NRXN1: variants seen among roughly 807,000 people sequenced by gnomAD.
NRXN1 encodes neurexin 1.
In NRXN1, 39 loss-of-function variants were observed where a neutral mutation model predicts 150.9. The ratio of observed to expected loss-of-function variants is 0.26; its 90% CI spans 0.20 to 0.34. The LOEUF (loss-of-function observed/expected upper bound fraction) is 0.34, where lower values mean the gene tolerates loss of function less well. Among genes scored for constraint, NRXN1 ranks in the 10% least tolerant of loss-of-function variants. The pLI is 1.00. For missense variants in NRXN1, 1,815 were observed against 1,949.9 expected (o/e 0.93, Z 1.30); for synonymous variants, 924 against 757.0 (o/e 1.22, Z -3.62).
At chr2:49,970,068 C>G (rs921889069) in intron 21 of NRXN1, 2 of 151,994 alleles carry the variant, frequency 1.3e-5, no homozygotes, top group African/African-American at 4.8e-5. Flanking sequence ...GTCATTCCCA[C>G]CATGATAAAT....
At chr2:50,455,667 T>C (rs904259658) in intron 17 of NRXN1, among the ~76,000 whole-genome samples, 2 of 152,148 alleles carry the variant, frequency 1.3e-5, no homozygotes, top group African/African-American at 4.8e-5. Flanking sequence ...TTTCCCTTAA[T>C]AGGACCTGGG....
intron 19 of NRXN1, among the ~76,000 whole-genome samples, chr2:50,058,711 G>T (rs1187565500): frequency 6.6e-6 from 1 of 152,158 alleles, no homozygotes; most frequent in African/African-American, 2.4e-5. Flanking sequence ...CCAGTGGGAT[G>T]TAATTGAATT....
intron 17 of NRXN1, among the ~76,000 whole-genome samples, chr2:50,243,134 T>C (rs1574695644): frequency 6.6e-6 from 1 of 151,888 alleles, no homozygotes; most frequent in East Asian, 1.9e-4. Context: ...AATATTATTA[T>C]ATTGTAAATT....
intron 15 of NRXN1, among the ~76,000 whole-genome samples, chr2:50,487,006 T>A (rs1426283014): frequency 2.0e-5 from 3 of 152,192 alleles, no homozygotes; most frequent in Non-Finnish European, 4.4e-5. Flanking sequence ...GTTACAATAA[T>A]TTCTATTTAG....
At chr2:50,436,999 C>A (rs1246020437) in intron 17 of NRXN1, among the ~76,000 whole-genome samples, 6 of 152,084 alleles carry the variant, frequency 3.9e-5, no homozygotes, top group Non-Finnish European at 8.8e-5. Context: ...TTATTTACTG[C>A]AGGTAGGAAA....
chr2:50,604,476 C>T (rs1465711336), intron 8 of NRXN1, among the ~76,000 whole-genome samples: 2 of 152,138 alleles, frequency 1.3e-5, no homozygotes, highest in Non-Finnish European at 2.9e-5. Context: ...TTTTATCCAG[C>T]ACAATTATTG....
intron 17 of NRXN1, among the ~76,000 whole-genome samples, chr2:50,251,099 C>T (rs1574742768): frequency 6.6e-6 from 1 of 151,062 alleles, no homozygotes; most frequent in Non-Finnish European, 1.5e-5. Flanking sequence ...ATATGTAATA[C>T]AATATGTAAT....
intron 22 of NRXN1, among the ~76,000 whole-genome samples, chr2:49,936,967 T>G (rs2104294406): frequency 6.6e-6 from 1 of 152,348 alleles, no homozygotes; most frequent in South Asian, 2.1e-4. Flanking sequence ...ATAGGCTTCT[T>G]CCTGCCTCTG....
intron 5 of NRXN1, among the ~76,000 whole-genome samples, chr2:50,657,723 A>G (rs1442465640): frequency 1.3e-5 from 2 of 152,038 alleles, no homozygotes; most frequent in Non-Finnish European, 2.9e-5. Context: ...GACAAAAAAG[A>G]AGTATACATC....
At chr2:50,329,359 T>A (rs1369886112) in intron 17 of NRXN1, among the ~76,000 whole-genome samples, 1 of 151,598 alleles carries the variant, frequency 6.6e-6, no homozygotes, top group African/African-American at 2.4e-5. Flanking sequence ...GATGAGGGTT[T>A]TTTTTTCTTA....
intron 15 of NRXN1, among the ~76,000 whole-genome samples, chr2:50,480,975 A>C (rs2090413677): frequency 6.6e-6 from 1 of 152,182 alleles, no homozygotes; most frequent in African/African-American, 2.4e-5. Flanking sequence ...AGTATCCTTA[A>C]CTTGACCAAG....
intron 5 of NRXN1, among the ~76,000 whole-genome samples, chr2:50,635,440 T>G (rs1683096960): frequency 6.6e-6 from 1 of 151,978 alleles, no homozygotes; most frequent in South Asian, 2.1e-4. Context: ...CCCAATGTGC[T>G]GGGATTACAG....
intron 15 of NRXN1, among the ~76,000 whole-genome samples, chr2:50,475,874 TA>T (rs11442987): frequency 0.058 from 8,627 of 148,216 alleles, 824 homozygotes; most frequent in African/African-American, 0.2. Flanking sequence ...GTGACGGGTT[TA>T]AAAAAAAAAA....
At chr2:50,773,676 A>G (rs1703268844) in intron 5 of NRXN1, among the ~76,000 whole-genome samples, 1 of 152,116 alleles carries the variant, frequency 6.6e-6, no homozygotes. Flanking sequence ...TCACCACAGA[A>G]ACTGGCCTGT....
rs60888284 is a variant in NRXN1 at position 50,782,455 on chromosome 2, C to T, written c.832+139414G>A. On this transcript the variant is annotated intron_variant, in intron 5 of 22. Transcript: ENST00000401669. ...CTGCACTCCAGCCTGGGTGACACAA[C>T]GAGACTCTGTCTCAAACAAACAAAC... 3.5e-4 allele frequency among the ~76,000 whole-genome samples: 53 copies of T among 151,492 alleles called. 1 individual carries two copies. Among genetic ancestry groups the T allele is most frequent in the African/African-American group, 1.0e-3 (42 of 41,440 alleles).
chr2:50,119,592 T>C (rs1703576378), intron 18 of NRXN1, among the ~76,000 whole-genome samples: 1 of 151,510 alleles, frequency 6.6e-6, no homozygotes, highest in South Asian at 2.1e-4. Context: ...ATCATTTGAA[T>C]GTAATATGTG....
intron 1 of NRXN1, among the ~76,000 whole-genome samples, chr2:51,030,726 A>C (rs568776619): frequency 6.6e-6 from 1 of 152,338 alleles, no homozygotes; most frequent in Non-Finnish European, 1.5e-5. Context: ...AGGCTCGTCA[A>C]ATCATCTGAA....
chr2:50,557,690 G>A (rs1291348535), intron 8 of NRXN1, among the ~76,000 whole-genome samples: 1 of 152,120 alleles, frequency 6.6e-6, no homozygotes, highest in Non-Finnish European at 1.5e-5. Flanking sequence ...TGGAGTAAGT[G>A]ATCAAGTAAA....
intron 13 of NRXN1, among the ~76,000 whole-genome samples, chr2:50,500,422 T>C (rs1227541568): frequency 2.0e-5 from 3 of 152,220 alleles, no homozygotes; most frequent in Non-Finnish European, 2.9e-5. Context: ...AAGCCATTAT[T>C]TGATGACTAA....
Sources: allele counts gnomAD v4.1 joint callset (sites outside exome capture counted in the v4.1 genomes callset), GRCh38; gene constraint gnomAD v4.1.1; transcripts MANE v1.5; gene names NCBI Gene and HGNC (gene_info 2026-07-23, HGNC 2026-07-21).